The following TMEM209 variants were observed in gnomAD, a reference collection of about 807,000 sequenced individuals.
TMEM209 encodes the protein transmembrane protein 209.
Under a neutral mutation model 76.2 loss-of-function variants are expected in TMEM209, and 65 were observed. That is an observed-to-expected ratio of 0.85 (90% CI 0.70 to 1.05). The LOEUF (loss-of-function observed/expected upper bound fraction) is 1.05. Among genes scored for constraint, TMEM209 ranks in the 50% least tolerant of loss-of-function variants. The pLI, the probability that TMEM209 is intolerant of heterozygous loss-of-function variation, is 0.00. For missense variants in TMEM209, 623 were observed against 685.5 expected (o/e 0.91, Z 1.02); for synonymous variants, 239 against 237.6 (o/e 1.01, Z -0.06).
At chr7:130,176,170 T>C (rs1381032888) in intron 10 of TMEM209, among the ~76,000 whole-genome samples, 1 of 150,924 alleles carries the variant, frequency 6.6e-6, no homozygotes, top group Non-Finnish European at 1.5e-5. Context: ...TGGAGCGCAG[T>C]AGTGTGATCT....
In TMEM209 at chr7:130,166,130, GA is replaced by G. The variant is rs1796876618; in HGVS notation, c.*320del. 5.3e-6 allele frequency: 1 copy of G among 189,374 alleles called. No individual in the cohort carries two copies. The highest frequency in any genetic ancestry group is 1.1e-5 in the Non-Finnish European group (1 of 93,126). The allele number at this position is 189,374 out of a possible 1,614,324, so 11.7% of individuals were successfully genotyped here. On this transcript the variant is annotated 3_prime_UTR_variant, in exon 15 of 15. Coordinates refer to ENST00000397622, the MANE Select transcript of TMEM209 (RefSeq NM_032842.4). ...ATGATTCTCATTTGGGGGTTACAATGAAAAAAAGACTCAAAATCTATTTCAT... is the reference window on the plus strand; with the variant it reads ...ATGATTCTCATTTGGGGGTTACAATGAAAAAAGACTCAAAATCTATTTCAT...
At chr7:130,178,892 C>T (rs1285687513) in intron 9 of TMEM209, among the ~76,000 whole-genome samples, 1 of 152,128 alleles carries the variant, frequency 6.6e-6, no homozygotes, top group East Asian at 1.9e-4. Context: ...CCTCCTCCCA[C>T]CTCAGCCTCC....
intron 5 of TMEM209, among the ~76,000 whole-genome samples, chr7:130,197,553 T>C (rs925558257): frequency 2.0e-5 from 3 of 152,174 alleles, no homozygotes; most frequent in African/African-American, 7.2e-5. Flanking sequence ...GCTGCACAAT[T>C]TGAATGCATT....
chr7:130,170,168 G>A (rs1217785148), intron 14 of TMEM209, among the ~76,000 whole-genome samples: 1 of 152,172 alleles, frequency 6.6e-6, no homozygotes, highest in African/African-American at 2.4e-5. Context: ...TTCCTCCAGG[G>A]AACACAACTA....
chr7:130,173,047 T>C (rs1349174645), intron 13 of TMEM209, among the ~76,000 whole-genome samples: 1 of 148,026 alleles, frequency 6.8e-6, no homozygotes, highest in East Asian at 2.0e-4. Context: ...TTTAATAGTA[T>C]GGAAAATTAT....
chr7:130,185,041 TAAGACAG>T, intron 7 of TMEM209, 144 bp downstream of exon 7: 1 of 905,300 alleles, frequency 1.1e-6, no homozygotes, highest in Non-Finnish European at 1.6e-6. Flanking sequence ...GCACACAAAG[TAAGACAG>T]GAGCTTTCCC....
At chr7:130,184,096 T>G in intron 8 of TMEM209, 88 bp downstream of exon 8, 1 of 892,824 alleles carries the variant, frequency 1.1e-6, no homozygotes, top group African/African-American at 1.7e-5. Flanking sequence ...ATATTCTAAT[T>G]TATAATGAAC....
At chr7:130,170,061 T>C (rs1797017694) in intron 14 of TMEM209, among the ~76,000 whole-genome samples, 1 of 152,136 alleles carries the variant, frequency 6.6e-6, no homozygotes. Context: ...ATGCTTTGTG[T>C]CTGAAATGAA....
intron 10 of TMEM209, among the ~76,000 whole-genome samples, chr7:130,177,420 C>A (rs1797274637): frequency 6.6e-6 from 1 of 151,504 alleles, no homozygotes; most frequent in Admixed American, 6.6e-5. Flanking sequence ...AAAGGCTCAG[C>A]TGGGCACGGT....
chr7:130,176,134 A>G (rs1157051065), intron 10 of TMEM209, among the ~76,000 whole-genome samples: 1 of 147,240 alleles, frequency 6.8e-6, no homozygotes, highest in African/African-American at 2.5e-5. Flanking sequence ...TTTTTTTGAG[A>G]CAGAGTCTCG....
intron 8 of TMEM209, among the ~76,000 whole-genome samples, chr7:130,183,692 AACTC>A (rs1426833143): frequency 6.6e-6 from 1 of 152,152 alleles, no homozygotes; most frequent in Non-Finnish European, 1.5e-5. Context: ...GGAAATAGGG[AACTC>A]ACTCACTCTG....
intron 9 of TMEM209, among the ~76,000 whole-genome samples, chr7:130,180,113 C>T (rs920562789): frequency 6.6e-6 from 1 of 152,132 alleles, no homozygotes; most frequent in African/African-American, 2.4e-5. Flanking sequence ...AAGGTAATTA[C>T]TTAATAACTA....
chr7:130,181,542 G>A (rs1457279145), intron 9 of TMEM209, 81 bp downstream of exon 9: 2 of 1,227,568 alleles, frequency 1.6e-6, no homozygotes, highest in Admixed American at 4.3e-5. Flanking sequence ...AACAAAATAA[G>A]TTAAGCCGTC....
chr7:130,188,693 A>G (rs1333346670), intron 6 of TMEM209, among the ~76,000 whole-genome samples: 1 of 152,106 alleles, frequency 6.6e-6, no homozygotes, highest in Non-Finnish European at 1.5e-5. Context: ...TCACTGGGTA[A>G]AAGGCTGTTA....
At chr7:130,190,518 C>CA (rs1797758408) in intron 6 of TMEM209, among the ~76,000 whole-genome samples, 1 of 122,378 alleles carries the variant, frequency 8.2e-6, no homozygotes, top group African/African-American at 3.2e-5. Context: ...GACTCCATCT[C>CA]AAAAAAAGAA....
intron 5 of TMEM209, among the ~76,000 whole-genome samples, chr7:130,194,855 C>G (rs764860013): frequency 6.6e-5 from 10 of 152,088 alleles, no homozygotes; most frequent in Non-Finnish European, 1.2e-4. Context: ...CTTATTATCA[C>G]TTCGTATTAG....
intron 13 of TMEM209, among the ~76,000 whole-genome samples, chr7:130,172,466 C>T (rs943424307): frequency 6.6e-6 from 1 of 152,040 alleles, no homozygotes; most frequent in African/African-American, 2.4e-5. Context: ...CCTCAGCCTC[C>T]TCAGCAGCTG....
chr7:130,176,301 T>C (rs974966653), intron 10 of TMEM209, among the ~76,000 whole-genome samples: 4 of 151,846 alleles, frequency 2.6e-5, no homozygotes, highest in African/African-American at 9.7e-5. Flanking sequence ...TTTTGTATTT[T>C]TAGCAGAGAT....
intron 10 of TMEM209, among the ~76,000 whole-genome samples, chr7:130,176,441 T>G (rs73144799): frequency 0.15 from 22,585 of 152,232 alleles, 2,283 homozygotes; most frequent in Middle Eastern, 0.23. Context: ...TTTAAAGCTT[T>G]TTTGTATATT....
Sources: gnomAD v4.1 joint callset for allele counts (sites outside exome capture counted in the v4.1 genomes callset) on GRCh38, gnomAD v4.1.1 for gene constraint, MANE v1.5 for transcripts, NCBI Gene and HGNC (gene_info 2026-07-23, HGNC 2026-07-21) for gene names.